Variants in COL4A1 observed in about 807,000 individuals in gnomAD.
COL4A1 encodes the protein collagen type IV alpha 1 chain, also known as collagen alpha-1(IV) chain.
In COL4A1, 40 loss-of-function variants were observed where a neutral mutation model predicts 216.6. The ratio of observed to expected loss-of-function variants is 0.18; its 90% CI spans 0.14 to 0.24. The LOEUF is 0.24. COL4A1 is among the 10% of genes least tolerant of loss of function. The pLI, the probability that COL4A1 is intolerant of heterozygous loss-of-function variation, is 1.00. For missense variants in COL4A1, 1,628 were observed against 2,196.8 expected, an observed-to-expected ratio of 0.74 and a Z score of 5.18; for synonymous variants, 839 against 810.7, an observed-to-expected ratio of 1.03 and a Z score of -0.59.
Position 110,294,478 on chromosome 13 carries a change from C to T in COL4A1, c.84+12466G>A, listed in dbSNP as rs559059523. ...TCTGATGGTTTCATCCACTCTAAAC[C>T]CAAGTGGTATTTCCCATGGCTAGCT... is the stretch of plus-strand genomic sequence containing the variant. On this transcript the variant is annotated intron_variant, in intron 1 of 51. Coordinates refer to ENST00000375820, the MANE Select transcript of COL4A1 (RefSeq NM_001845.6). Among the ~76,000 whole-genome samples the T allele has an allele frequency of 2.3e-4, 35 of 152,302 alleles. No homozygotes were observed. In the South Asian group the frequency reaches 5.4e-3, roughly 23 times the overall value.
In COL4A1 at chr13:110,303,750, G is replaced by C. The variant is rs1489741160; in HGVS notation, c.84+3194C>G. Among the ~76,000 whole-genome samples the C allele has an allele frequency of 2.0e-5, 3 of 152,194 alleles. No individual in the cohort carries two copies. The South Asian group carries it at 6.2e-4, about 32-fold the overall frequency. ...TTACCAGCCTGACTTGGATTCGTCTGTTTCTTTTCCAATATTTCTCACCTG... is the reference window on the plus strand; with the variant it reads ...TTACCAGCCTGACTTGGATTCGTCTCTTTCTTTTCCAATATTTCTCACCTG... On this transcript the variant is annotated intron_variant, in intron 1 of 51. Coordinates refer to ENST00000375820, the MANE Select transcript of COL4A1 (RefSeq NM_001845.6).
chr13:110,257,890 TA>T (rs1446486317), intron 1 of COL4A1, among the ~76,000 whole-genome samples: 1 of 152,240 alleles, frequency 6.6e-6, no homozygotes, highest in South Asian at 2.1e-4. Flanking sequence ...TTAGCAGCCT[TA>T]AACCATTCAT....
intron 1 of COL4A1, among the ~76,000 whole-genome samples, chr13:110,247,832 T>TGTGTCAGAGAGAGAGGGAGGGAGGGAGG (rs1881893704): frequency 1.0e-5 from 1 of 100,266 alleles, no homozygotes; most frequent in African/African-American, 3.9e-5. Flanking sequence ...TGTGTGTGTG[T>TGTGTCAGAGAGAGAGGGAGGGAGGGAGG]GTGGCAGAGA....
At chr13:110,248,418 G>A (rs544493153) in intron 1 of COL4A1, among the ~76,000 whole-genome samples, 1 of 152,246 alleles carries the variant, frequency 6.6e-6, no homozygotes, top group South Asian at 2.1e-4. Flanking sequence ...CCACTCCCAG[G>A]GATAAGCCCC....
intron 1 of COL4A1, among the ~76,000 whole-genome samples, chr13:110,287,273 T>G (rs564491679): frequency 6.6e-6 from 1 of 152,204 alleles, no homozygotes; most frequent in South Asian, 2.1e-4. Flanking sequence ...CCGCATGACA[T>G]CTCAGGGGCA....
intron 50 of COL4A1, among the ~76,000 whole-genome samples, chr13:110,153,814 T>C (rs897006432): frequency 2.0e-5 from 3 of 152,138 alleles, no homozygotes; most frequent in Admixed American, 6.5e-5. Context: ...CTGCCAACTT[T>C]TTCTACACTT....
chr13:110,254,733 G>A (rs1285835013), intron 1 of COL4A1, among the ~76,000 whole-genome samples: 1 of 151,972 alleles, frequency 6.6e-6, no homozygotes, highest in Non-Finnish European at 1.5e-5. Context: ...GTGGAGATTT[G>A]GAATGTAACC....
rs1300873644 is a variant in COL4A1 at position 110,252,462 on chromosome 13, ATATAAT to A, written c.85-9734_85-9729del. 9.7e-3 allele frequency among the ~76,000 whole-genome samples: 428 copies of A among 44,164 alleles called. 84 individuals carry two copies. The highest frequency in any genetic ancestry group is 0.035 in the African/African-American group (393 of 11,110). 29.0% of individuals were successfully genotyped at this position (44,164 alleles called of 152,430 possible). A position where few individuals can be genotyped will look rare whatever the true frequency, so the allele number is the denominator to read the frequency against. On this transcript the variant is annotated intron_variant, in intron 1 of 51. Transcript: ENST00000375820. ...AATTATACGTATATGTATTATATAC[ATATAAT>A]TATATGTATTATATATACGTATAAT...
chr13:110,226,580 G>A (rs977385205), intron 2 of COL4A1, among the ~76,000 whole-genome samples: 5 of 152,174 alleles, frequency 3.3e-5, no homozygotes, highest in African/African-American at 1.2e-4. Flanking sequence ...CAATTGCCAG[G>A]TTAAAACTAG....
chr13:110,263,222 C>A (rs1015418026), intron 1 of COL4A1, among the ~76,000 whole-genome samples: 1 of 152,316 alleles, frequency 6.6e-6, no homozygotes, highest in South Asian at 2.1e-4. Flanking sequence ...TTCACGACGG[C>A]CTTGGCCTCC....
At chr13:110,248,696 G>A (rs1011413334) in intron 1 of COL4A1, among the ~76,000 whole-genome samples, 5 of 152,150 alleles carry the variant, frequency 3.3e-5, no homozygotes, top group Non-Finnish European at 7.4e-5. Context: ...ATTTCGCCAT[G>A]TTGGCCAGGC....
chr13:110,213,242 A>G (rs1879905104), intron 4 of COL4A1, among the ~76,000 whole-genome samples: 1 of 150,620 alleles, frequency 6.6e-6, no homozygotes, highest in Non-Finnish European at 1.5e-5. Flanking sequence ...GCAACCAAAC[A>G]CCACCTGTAC....
intron 1 of COL4A1, among the ~76,000 whole-genome samples, chr13:110,266,432 C>T (rs1010092413): frequency 3.3e-5 from 5 of 152,142 alleles, no homozygotes; most frequent in Non-Finnish European, 7.4e-5. Context: ...TCCTCCAGCC[C>T]TGGAGTCACG....
At chr13:110,216,225 C>T (rs2139210075) in intron 2 of COL4A1, among the ~76,000 whole-genome samples, 1 of 152,272 alleles carries the variant, frequency 6.6e-6, no homozygotes, top group Non-Finnish European at 1.5e-5. Context: ...GAAGGAAAAA[C>T]ATTCCCAGAC....
Position 110,169,704 on chromosome 13 carries a change from G to A in COL4A1, c.3801C>T (p.Asp1267=). The part of the protein sequence containing the change: ...GLPGIDGVKG[D]KGNPGWPGAP... ...CTCCTGGCCAGCCTGGATTTCCTTT[G>A]TCACCTTTAACTCCATCAATCCCAG... Residue 1267 remains aspartate (D), a synonymous_variant, in exon 43 of 52, where the codon GAC becomes GAT. Transcript: ENST00000375820. 6.2e-7 allele frequency: 1 copy of A among 1,614,076 alleles called. No individual in the cohort carries two copies. Among genetic ancestry groups the A allele is most frequent in the Non-Finnish European group, 8.5e-7 (1 of 1,180,028 alleles).
chr13:110,166,203 G>A, intron 45 of COL4A1, 29 bp downstream of exon 45: 2 of 1,350,162 alleles, frequency 1.5e-6, no homozygotes, highest in Admixed American at 1.7e-5. Flanking sequence ...GCACCAGTAA[G>A]GTGTCCACAG....
chr13:110,156,499 G>C (rs903529963), intron 49 of COL4A1, among the ~76,000 whole-genome samples: 5 of 152,192 alleles, frequency 3.3e-5, no homozygotes, highest in Non-Finnish European at 2.9e-5. Flanking sequence ...AAGGCTGTCA[G>C]CATCCACTGC....
At chr13:110,167,008 C>A in intron 44 of COL4A1, 150 bp downstream of exon 44, 1 of 761,324 alleles carries the variant, frequency 1.3e-6, no homozygotes, top group South Asian at 1.4e-5. Context: ...TGGGCTGCCA[C>A]ACAGAAATGC....
intron 31 of COL4A1, among the ~76,000 whole-genome samples, chr13:110,178,447 T>C (rs1268626062): frequency 4.6e-5 from 7 of 152,308 alleles, no homozygotes; most frequent in East Asian, 3.9e-4. Flanking sequence ...TTTCCTGTCA[T>C]TGAGAGTCAG....
Sources: allele counts gnomAD v4.1 joint callset (sites outside exome capture counted in the v4.1 genomes callset), GRCh38; gene constraint gnomAD v4.1.1; transcripts MANE v1.5; gene names NCBI Gene and HGNC (gene_info 2026-07-23, HGNC 2026-07-21).